KDM3A: variants seen among roughly 807,000 people sequenced by gnomAD.
The protein encoded by KDM3A is lysine-specific demethylase 3A.
In KDM3A, 60 loss-of-function variants were observed where a neutral mutation model predicts 158.0. The observed-to-expected ratio is 0.38, with a 90% CI of 0.31 to 0.47. KDM3A has a LOEUF of 0.47. KDM3A is among the 20% of genes least tolerant of loss of function. KDM3A has a pLI of 0.99. For missense variants in KDM3A, 1,319 were observed against 1,574.3 expected, an observed-to-expected ratio of 0.84 and a Z score of 2.74; for synonymous variants, 608 against 549.3, an observed-to-expected ratio of 1.11 and a Z score of -1.49.
intron 4 of KDM3A, among the ~76,000 whole-genome samples, chr2:86,453,356 G>A (rs1257044144): frequency 6.6e-6 from 1 of 152,064 alleles, no homozygotes; most frequent in Non-Finnish European, 1.5e-5. Flanking sequence ...TTCCACGTTG[G>A]GGGATGTGAT....
At chr2:86,491,331 C>T in intron 25 of KDM3A, 56 bp downstream of exon 25, 1 of 1,527,562 alleles carries the variant, frequency 6.5e-7, no homozygotes, top group East Asian at 2.3e-5. Context: ...CTTCATGGCC[C>T]ATTCTTCACC....
intron 11 of KDM3A, 57 bp downstream of exon 11, chr2:86,470,465 T>G: frequency 7.0e-7 from 1 of 1,421,144 alleles, no homozygotes; most frequent in Non-Finnish European, 9.9e-7. Flanking sequence ...TGCTAGATCA[T>G]CTGGCATACT....
Position 86,489,573 on chromosome 2 carries a change from T to C in KDM3A, c.3487T>C (p.Phe1163Leu). Reference protein sequence around the residue: ...GDSDELTIKRFIEGKEKPGAL... With the variant: ...GDSDELTIKRLIEGKEKPGAL... ...TTCTGACGAACTCACAATAAAGCGATTTATTGAAGGAAAAGAGAAGCCAGG... is the reference window on the plus strand; with the variant it reads ...TTCTGACGAACTCACAATAAAGCGACTTATTGAAGGAAAAGAGAAGCCAGG... The change falls in exon 23 of 26, where the codon TTT becomes CTT. Residue 1163 changes from phenylalanine (F) to leucine (L), a missense_variant. Coordinates refer to ENST00000312912, the MANE Select transcript of KDM3A (RefSeq NM_018433.6). 6.2e-7 allele frequency: 1 copy of C among 1,613,986 alleles called. No individual in the cohort carries two copies. The highest frequency in any genetic ancestry group is 1.3e-5 in the African/African-American group (1 of 75,014).
chr2:86,438,064 G>A (rs1682519617), upstream of KDM3A, among the ~76,000 whole-genome samples: 2 of 151,850 alleles, frequency 1.3e-5, no homozygotes, highest in Admixed American at 1.3e-4. Context: ...ACTTTATTGG[G>A]AATTTTTCTA....
intron 25 of KDM3A, 69 bp downstream of exon 25, chr2:86,491,344 A>G: frequency 2.0e-6 from 3 of 1,510,354 alleles, no homozygotes; most frequent in Non-Finnish European, 1.8e-6. Flanking sequence ...TCTTCACCTT[A>G]TAAAGAGAGT....
At chr2:86,476,618 G>A (rs1286321750) in intron 12 of KDM3A, among the ~76,000 whole-genome samples, 3 of 152,170 alleles carry the variant, frequency 2.0e-5, no homozygotes, top group Non-Finnish European at 4.4e-5. Flanking sequence ...TGTCCTTTCA[G>A]TGACAAATAA....
chr2:86,455,953 C>CAAAAAA (rs574299612), intron 5 of KDM3A, among the ~76,000 whole-genome samples: 10 of 55,974 alleles, frequency 1.8e-4, no homozygotes, highest in African/African-American at 2.0e-4. Flanking sequence ...GACCCTGTCT[C>CAAAAAA]AAAAAAAAAA....
In KDM3A at chr2:86,441,443, G is replaced by T. The variant is rs991154046; in HGVS notation, c.-32G>T. 3.9e-5 allele frequency: 6 copies of T among 152,322 alleles called. No homozygotes were observed. The highest frequency in any genetic ancestry group is 1.4e-4 in the African/African-American group (6 of 41,454). 9.4% of individuals were successfully genotyped at this position (152,322 alleles called of 1,614,324 possible). A position where few individuals can be genotyped will look rare whatever the true frequency, so the allele number is the denominator to read the frequency against. On this transcript the variant is annotated splice_region_variant and 5_prime_UTR_variant, in exon 1 of 26. Transcript: ENST00000312912. ...CGGTGACTCAGGGAGGCGGGAGGCG[G>T]GGTAAGAGCGCCGCGGCCTCGGCTG...
intron 21 of KDM3A, among the ~76,000 whole-genome samples, chr2:86,486,707 G>C (rs941614856): frequency 6.6e-6 from 1 of 152,104 alleles, no homozygotes; most frequent in African/African-American, 2.4e-5. Context: ...TGTTGTCTTC[G>C]CTATGTTCTC....
Position 86,441,454 on chromosome 2 carries a change from C to G in KDM3A, c.-31+10C>G, listed in dbSNP as rs1423194436. 6.6e-6 allele frequency: 1 copy of G among 152,106 alleles called. No homozygotes were observed. The highest frequency in any genetic ancestry group is 1.5e-5 in the Non-Finnish European group (1 of 68,074). 9.4% of individuals were successfully genotyped at this position (152,106 alleles called of 1,614,324 possible). ...GGAGGCGGGAGGCGGGGTAAGAGCG[C>G]CGCGGCCTCGGCTGCGGGGAGAGGG... On this transcript the variant is annotated intron_variant, in intron 1 of 25. Coordinates refer to ENST00000312912, the MANE Select transcript of KDM3A (RefSeq NM_018433.6).
chr2:86,456,400 T>A (rs1480542294), intron 5 of KDM3A, 42 bp from the exon 6 acceptor site: 2 of 1,366,136 alleles, frequency 1.5e-6, no homozygotes, highest in Non-Finnish European at 1.9e-6. Context: ...TGGGAGATAA[T>A]GCAAATTGCT....
chr2:86,468,134 AGG>A (rs751783776), intron 10 of KDM3A, among the ~76,000 whole-genome samples: 5 of 152,234 alleles, frequency 3.3e-5, no homozygotes, highest in Non-Finnish European at 7.3e-5. Context: ...GTGAAATTAG[AGG>A]GCAAGATGGC....
At position 86,484,876 on chromosome 2, in the gene KDM3A, T is replaced by C; in HGVS notation, c.3095-66T>C. The C allele has an allele frequency of 3.1e-6, 3 of 971,068 alleles. No homozygotes were observed. The South Asian group carries it at 4.5e-5, about 15-fold the overall frequency. 60.2% of individuals were successfully genotyped at this position (971,068 alleles called of 1,614,324 possible). ...GTATTGTTGAGGCATAAAATGCTAA[T>C]TTGTCATTTATTTTGGTCTGTTTCT... is the stretch of plus-strand genomic sequence containing the variant. On this transcript the variant is annotated intron_variant, in intron 19 of 25. Coordinates refer to ENST00000312912, the MANE Select transcript of KDM3A (RefSeq NM_018433.6).
At chr2:86,486,430 A>T (rs2104709112) in intron 21 of KDM3A, among the ~76,000 whole-genome samples, 1 of 152,318 alleles carries the variant, frequency 6.6e-6, no homozygotes, top group Non-Finnish European at 1.5e-5. Context: ...TCATCATTAT[A>T]ACTGAGATCT....
intron 18 of KDM3A, chr2:86,483,015 G>T: frequency 3.2e-6 from 1 of 310,974 alleles, no homozygotes; most frequent in East Asian, 7.8e-5. Context: ...ACAGGCTGAT[G>T]GGATTTGGGA....
At chr2:86,470,147 A>G in intron 10 of KDM3A, 57 bp from the exon 11 acceptor site, 2 of 1,391,678 alleles carry the variant, frequency 1.4e-6, no homozygotes, top group South Asian at 1.2e-5. Context: ...TCAGTCATAT[A>G]TGAATGTGAT....
At chr2:86,438,152 T>G (rs542723401), upstream of KDM3A, among the ~76,000 whole-genome samples, 21 of 152,260 alleles carry the variant, frequency 1.4e-4, no homozygotes, top group South Asian at 4.1e-3. Flanking sequence ...TTTCTTTTCT[T>G]GATAGTTTGC....
Position 86,470,354 on chromosome 2 carries a change from A to G in KDM3A, c.1670A>G (p.Asp557Gly). The change falls in exon 11 of 26, where the codon GAT (aspartate) becomes GGT (glycine). Residue 557 changes from aspartate (D) to glycine (G), a missense_variant. Around this residue, in one of 4 missense-constraint regions of KDM3A, gnomAD observed 113 missense variants for 190.5 expected, o/e 0.59. Transcript: ENST00000312912. Reference sequence around the variant, plus strand: ...TGTCGCTTGGACAGTCTCCGCAAGGATAAGGAGCAACAGAAGGACTCACCT... The same window carrying G: ...TGTCGCTTGGACAGTCTCCGCAAGGGTAAGGAGCAACAGAAGGACTCACCT... ...RECRLDSLRKDKEQQKDSPVF... is the reference protein window; with the variant it reads ...RECRLDSLRKGKEQQKDSPVF... The G allele has an allele frequency of 1.9e-6, 3 of 1,614,064 alleles. No homozygotes were observed. The highest frequency in any genetic ancestry group is 2.5e-6 in the Non-Finnish European group (3 of 1,179,976).
At chr2:86,485,160 C>A in intron 20 of KDM3A, 131 bp downstream of exon 20, 1 of 604,360 alleles carries the variant, frequency 1.7e-6, no homozygotes. Flanking sequence ...ACTGATTTTT[C>A]ATTTCTAGTC....
Sources: allele counts gnomAD v4.1 joint callset (sites outside exome capture counted in the v4.1 genomes callset), GRCh38; gene constraint gnomAD v4.1.1; regional missense constraint gnomAD v4.1.1; transcripts MANE v1.5; gene names NCBI Gene and HGNC (gene_info 2026-07-23, HGNC 2026-07-21).